The following PRKN variants were observed in gnomAD, a reference collection of about 807,000 sequenced individuals.
PRKN encodes parkin RBR E3 ubiquitin protein ligase.
PRKN carries 56 observed loss-of-function variants against 59.5 expected under a neutral mutation model. The ratio of observed to expected loss-of-function variants is 0.94; its 90% confidence interval spans 0.76 to 1.18. The LOEUF is 1.18. Among genes scored for constraint, PRKN ranks in the 50% most tolerant of loss-of-function variants. The pLI is 0.00. For synonymous variants in PRKN, 250 were observed against 222.1 expected (o/e 1.13, Z -1.12); for missense variants, 657 against 596.4 (o/e 1.10, Z -1.06).
intron 4 of PRKN, among the ~76,000 whole-genome samples, chr6:162,127,251 T>C (rs1303461739): frequency 2.0e-5 from 3 of 152,244 alleles, no homozygotes; most frequent in African/African-American, 7.2e-5. Context: ...ATGCACTCAA[T>C]GCCAAATGAC....
Position 161,388,039 on chromosome 6 carries a change from A to G in PRKN, c.1084-1162T>C, listed in dbSNP as rs1021578706. 1.3e-5 allele frequency among the ~76,000 whole-genome samples: 2 copies of G among 152,210 alleles called. No homozygotes were observed. Among genetic ancestry groups the G allele is most frequent in the Admixed American group, 1.3e-4 (2 of 15,274 alleles). Reference sequence around the variant, plus strand: ...GTTTAGGGCTGTCTGTCTGGGATCCATGGACCTCTCCTGAAAGCACGTCCC... The same window carrying G: ...GTTTAGGGCTGTCTGTCTGGGATCCGTGGACCTCTCCTGAAAGCACGTCCC... On this transcript the variant is annotated intron_variant, in intron 9 of 11. Transcript: ENST00000366898. This position sits in a 1 kb window ranked among gnomAD's most constrained non-coding sequence, Gnocchi z 4.3.
intron 5 of PRKN, among the ~76,000 whole-genome samples, chr6:161,985,100 C>A (rs1344632873): frequency 1.3e-5 from 2 of 152,214 alleles, no homozygotes; most frequent in African/African-American, 4.8e-5. Context: ...TAACTTGTCT[C>A]ACCTCAACAT....
intron 6 of PRKN, among the ~76,000 whole-genome samples, chr6:161,804,765 A>C (rs1562696943): frequency 6.6e-6 from 1 of 152,228 alleles, no homozygotes; most frequent in African/African-American, 2.4e-5. Flanking sequence ...AAAGTTTCAA[A>C]CATCTTCCAG....
At chr6:161,485,686 A>G (rs1172436285) in intron 9 of PRKN, among the ~76,000 whole-genome samples, 1 of 152,118 alleles carries the variant, frequency 6.6e-6, no homozygotes, top group Admixed American at 6.5e-5. Context: ...GGACAGATTC[A>G]CTTGAGAGAA....
intron 4 of PRKN, among the ~76,000 whole-genome samples, chr6:162,146,834 G>T (rs1469705699): frequency 6.6e-6 from 1 of 151,840 alleles, no homozygotes; most frequent in Non-Finnish European, 1.5e-5. Flanking sequence ...GGGCTCAAGT[G>T]ATTCTCTTGA....
At chr6:161,852,991 G>A (rs538140038) in intron 6 of PRKN, among the ~76,000 whole-genome samples, 1 of 152,122 alleles carries the variant, frequency 6.6e-6, no homozygotes, top group South Asian at 2.1e-4. Flanking sequence ...ACCATGGCCT[G>A]TTTTTATGTT....
At chr6:162,215,525 A>G (rs1047288506) in intron 3 of PRKN, among the ~76,000 whole-genome samples, 2 of 152,220 alleles carry the variant, frequency 1.3e-5, no homozygotes, top group Admixed American at 6.5e-5. Flanking sequence ...ATACTAAATG[A>G]ATGTTGTCAA....
intron 9 of PRKN, among the ~76,000 whole-genome samples, chr6:161,433,398 A>G (rs550885034): frequency 6.2e-4 from 51 of 82,056 alleles, no homozygotes; most frequent in African/African-American, 2.4e-3. Flanking sequence ...ACTACTAATA[A>G]TTAATTTTAA....
chr6:161,771,370 AATAAAAT>A (rs1789678807), intron 7 of PRKN, among the ~76,000 whole-genome samples: 1 of 19,022 alleles, frequency 5.3e-5, no homozygotes. Flanking sequence ...AAAAAAAAAA[AATAAAAT>A]AAAATAAAAT....
At chr6:162,162,776 G>A (rs182489410) in intron 4 of PRKN, among the ~76,000 whole-genome samples, 21 of 150,146 alleles carry the variant, frequency 1.4e-4, no homozygotes, top group South Asian at 6.3e-4. Flanking sequence ...TTGGGAGGCC[G>A]AGGCAGGCGG....
chr6:161,656,240 C>G lies in PRKN; in HGVS notation c.872-86824G>C, dbSNP rs1264441150. On this transcript the variant is annotated intron_variant, in intron 7 of 11. Transcript: ENST00000366898. ...TGCAGACTGAAAGTCAGCGCTCGGGCCCCTGCTGCATCTTTGAGTTGCTTC... is the reference window on the plus strand; with the variant it reads ...TGCAGACTGAAAGTCAGCGCTCGGGGCCCTGCTGCATCTTTGAGTTGCTTC... 2.6e-5 allele frequency among the ~76,000 whole-genome samples: 4 copies of G among 152,322 alleles called. No homozygotes were observed. The East Asian group carries it at 7.7e-4, about 29-fold the overall frequency.
intron 1 of PRKN, among the ~76,000 whole-genome samples, chr6:162,469,377 A>C: frequency 6.6e-6 from 1 of 150,678 alleles, no homozygotes; most frequent in African/African-American, 2.4e-5. Flanking sequence ...AGAGGAAGTC[A>C]TTCTACAAAA....
At chr6:161,862,121 G>A (rs953650322) in intron 6 of PRKN, among the ~76,000 whole-genome samples, 3 of 152,132 alleles carry the variant, frequency 2.0e-5, no homozygotes, top group Non-Finnish European at 4.4e-5. Flanking sequence ...AATCCAGGAT[G>A]ACTGACTCAA....
chr6:161,969,579 C>G (rs977934423), intron 6 of PRKN, among the ~76,000 whole-genome samples: 2 of 152,062 alleles, frequency 1.3e-5, no homozygotes, highest in African/African-American at 4.8e-5. Flanking sequence ...CCTGTCTGAC[C>G]TCTCACCCCA....
Position 161,812,107 on chromosome 6 carries a change from C to T in PRKN, c.735-26199G>A, listed in dbSNP as rs1242193718. ...AATTAAAATTAAAATGTTGTTGAAG[C>T]CAGGCATGGTAGTTCACACCTACAA... is the stretch of plus-strand genomic sequence containing the variant. On this transcript the variant is annotated intron_variant, in intron 6 of 11. Coordinates refer to ENST00000366898, the MANE Select transcript of PRKN (RefSeq NM_004562.3). 3.3e-5 allele frequency among the ~76,000 whole-genome samples: 5 copies of T among 152,122 alleles called. No homozygotes were observed. In the East Asian group the frequency reaches 7.7e-4, roughly 24 times the overall value.
chr6:161,420,479 G>A (rs935567636), intron 9 of PRKN, among the ~76,000 whole-genome samples: 2 of 152,030 alleles, frequency 1.3e-5, no homozygotes, highest in Non-Finnish European at 2.9e-5. Flanking sequence ...TGGGCTTTTG[G>A]CATGATGAAC....
intron 5 of PRKN, among the ~76,000 whole-genome samples, chr6:162,019,414 C>G (rs532956291): frequency 6.6e-5 from 10 of 152,250 alleles, no homozygotes; most frequent in African/African-American, 2.2e-4. Context: ...TCTGGCATGC[C>G]TCGGTGCACC....
At chr6:162,137,933 AG>A (rs1442323725) in intron 4 of PRKN, among the ~76,000 whole-genome samples, 1 of 152,112 alleles carries the variant, frequency 6.6e-6, no homozygotes, top group Non-Finnish European at 1.5e-5. Flanking sequence ...GATTGGACTG[AG>A]GTAATGCGGG....
intron 4 of PRKN, among the ~76,000 whole-genome samples, chr6:162,192,153 T>C (rs1439340386): frequency 6.6e-6 from 1 of 152,180 alleles, no homozygotes; most frequent in Non-Finnish European, 1.5e-5. Context: ...CTTATAAATA[T>C]TTTAAAAATG....
Sources: allele counts gnomAD v4.1 joint callset (sites outside exome capture counted in the v4.1 genomes callset), GRCh38; gene constraint gnomAD v4.1.1; non-coding constraint Gnocchi (gnomAD v3.1); transcripts MANE v1.5; gene names NCBI Gene and HGNC (gene_info 2026-07-23, HGNC 2026-07-21).